KSR2: variants seen among roughly 807,000 people sequenced by gnomAD.
KSR2 encodes kinase suppressor of ras 2.
A neutral mutation model predicts 107.8 loss-of-function variants in KSR2; 25 were observed. The ratio of observed to expected loss-of-function variants is 0.23; its 90% confidence interval spans 0.17 to 0.32. KSR2 has a LOEUF of 0.32. KSR2 is among the 10% of genes least tolerant of loss of function. The pLI is 1.00. For missense variants in KSR2, 887 were observed against 1,268.9 expected, an observed-to-expected ratio of 0.70 and a Z score of 4.57; for synonymous variants, 480 against 507.0, an observed-to-expected ratio of 0.95 and a Z score of 0.71.
At chr12:117,694,961 C>T (rs1885990877) in intron 4 of KSR2, among the ~76,000 whole-genome samples, 1 of 150,942 alleles carries the variant, frequency 6.6e-6, no homozygotes, top group African/African-American at 2.4e-5. Flanking sequence ...AGCAATTCTC[C>T]TGCCTCAGCC....
At chr12:117,792,749 G>A (rs1274926024) in intron 3 of KSR2, among the ~76,000 whole-genome samples, 1 of 152,164 alleles carries the variant, frequency 6.6e-6, no homozygotes, top group South Asian at 2.1e-4. Flanking sequence ...TGTGATTGAT[G>A]CACCCAATCA....
At chr12:117,714,026 G>C (rs1448138626) in intron 4 of KSR2, among the ~76,000 whole-genome samples, 1 of 151,936 alleles carries the variant, frequency 6.6e-6, no homozygotes, top group Non-Finnish European at 1.5e-5. Flanking sequence ...TCAGAGTGAA[G>C]AAGAGGAATT....
chr12:117,469,663 CT>C lies in KSR2; in HGVS notation c.2844del (p.Glu949SerfsTer60). On this transcript the variant is annotated frameshift_variant and splice_region_variant, in exon 19 of 20. Transcript: ENST00000339824. LOFTEE classifies it high-confidence loss of function. Reference protein sequence around the residue: ...LSHPGHFWKSAEL With the variant: ...LSHPGHFWKSXEL Reference sequence around the variant, plus strand: ...GAGACATTAAGGGAGAAAACCTACTCTGCAGACTTCCAGAAATGTCCAGGGT... The same window carrying C: ...GAGACATTAAGGGAGAAAACCTACTCGCAGACTTCCAGAAATGTCCAGGGT... The C allele has an allele frequency of 6.2e-7, 1 of 1,612,184 alleles. No individual in the cohort carries two copies. The highest frequency in any genetic ancestry group is 8.5e-7 in the Non-Finnish European group (1 of 1,179,154).
Position 117,455,880 on chromosome 12 carries a change from G to A in KSR2, c.*11319C>T, listed in dbSNP as rs1870593959. 1 of 152,186 alleles carries A rather than the reference G, an allele frequency of 6.6e-6. No individual in the cohort carries two copies. The highest frequency in any genetic ancestry group is 2.1e-4 in the South Asian group (1 of 4,826). 9.4% of individuals were successfully genotyped at this position (152,186 alleles called of 1,614,324 possible). On this transcript the variant is annotated 3_prime_UTR_variant, in exon 20 of 20. Coordinates refer to ENST00000339824, the MANE Select transcript of KSR2 (RefSeq NM_173598.6). ...AGAAGCAGTGCCTTGTGGAATATGG[G>A]ACAGCTATGGGAGCTCATGGAGAAC...
intron 3 of KSR2, among the ~76,000 whole-genome samples, chr12:117,799,298 T>C (rs1325568529): frequency 1.3e-5 from 2 of 151,950 alleles, no homozygotes; most frequent in Non-Finnish European, 2.9e-5. Context: ...GGTCAGGAGT[T>C]CAAGATCAGC....
At chr12:117,928,555 T>C (rs1326870104) in intron 1 of KSR2, among the ~76,000 whole-genome samples, 1 of 152,208 alleles carries the variant, frequency 6.6e-6, no homozygotes, top group Non-Finnish European at 1.5e-5. Flanking sequence ...ATTTTATTTA[T>C]CCATGTATCT....
chr12:117,963,357 C>A (rs1896711124), intron 1 of KSR2, among the ~76,000 whole-genome samples: 1 of 152,180 alleles, frequency 6.6e-6, no homozygotes, highest in Admixed American at 6.5e-5. Flanking sequence ...CTGCCGTAGG[C>A]TGCCATCCAA....
At chr12:117,964,603 C>G (rs1896740873) in intron 1 of KSR2, among the ~76,000 whole-genome samples, 1 of 152,202 alleles carries the variant, frequency 6.6e-6, no homozygotes, top group Admixed American at 6.5e-5. Flanking sequence ...CATGTAATGC[C>G]AATCATTATC....
At chr12:117,481,643 C>G (rs890797226) in intron 16 of KSR2, among the ~76,000 whole-genome samples, 23 of 152,222 alleles carry the variant, frequency 1.5e-4, no homozygotes, top group African/African-American at 4.8e-4. Flanking sequence ...CCCAAGCTGA[C>G]TAATACATGC....
intron 3 of KSR2, among the ~76,000 whole-genome samples, chr12:117,845,237 T>C (rs1566046245): frequency 6.6e-6 from 1 of 152,200 alleles, no homozygotes. Context: ...AACAAGGCAG[T>C]TGTGTTGAGC....
chr12:117,573,080 A>G (rs1005198166), intron 7 of KSR2, among the ~76,000 whole-genome samples: 8 of 152,216 alleles, frequency 5.3e-5, no homozygotes, highest in Non-Finnish European at 5.9e-5. Flanking sequence ...ATAACTGCAA[A>G]TTGCTTTCGG....
intron 3 of KSR2, among the ~76,000 whole-genome samples, chr12:117,807,073 T>C (rs1457719971): frequency 6.6e-6 from 1 of 152,138 alleles, no homozygotes; most frequent in Admixed American, 6.5e-5. Flanking sequence ...ACACTTCCTT[T>C]TCATGGTGGG....
chr12:117,961,825 A>G (rs1032059866), intron 1 of KSR2, among the ~76,000 whole-genome samples: 1 of 152,168 alleles, frequency 6.6e-6, no homozygotes, highest in African/African-American at 2.4e-5. Flanking sequence ...GCAATAGAAA[A>G]TTGAGATGGA....
intron 1 of KSR2, among the ~76,000 whole-genome samples, chr12:117,870,266 G>A (rs530565665): frequency 6.6e-6 from 1 of 152,300 alleles, no homozygotes; most frequent in African/African-American, 2.4e-5. Flanking sequence ...TGTAAAACAG[G>A]TGTATTCCAC....
Position 117,753,947 on chromosome 12 carries a change from C to CGTGTGTGT in KSR2, c.986+7056_986+7063dup, listed in dbSNP as rs34174404. On this transcript the variant is annotated intron_variant, in intron 4 of 19. Coordinates refer to ENST00000339824, the MANE Select transcript of KSR2 (RefSeq NM_173598.6). ...TACTTTTACTGGGGAAAGTATAGAGCGTGTGTGTGTGTGTGTGTGTGTGTG... is the reference window on the plus strand; with the variant it reads ...TACTTTTACTGGGGAAAGTATAGAGCGTGTGTGTGTGTGTGTGTGTGTGTGTGTGTGTG... Among the ~76,000 whole-genome samples, 381 of 129,028 alleles carry CGTGTGTGT rather than the reference C, an allele frequency of 3.0e-3. 2 individuals carry two copies. Among genetic ancestry groups the CGTGTGTGT allele is most frequent in the Admixed American group, 5.1e-3 (63 of 12,456 alleles). The allele number at this position is 129,028 out of a possible 152,430, so 84.6% of individuals were successfully genotyped here. A position where few individuals can be genotyped will look rare whatever the true frequency, so the allele number is the denominator to read the frequency against.
intron 1 of KSR2, among the ~76,000 whole-genome samples, chr12:117,926,777 C>G (rs75737788): frequency 6.6e-6 from 1 of 152,152 alleles, no homozygotes; most frequent in Admixed American, 6.5e-5. Context: ...CTTGCTAGAC[C>G]GCCTTTCAGC....
chr12:117,796,320 T>C (rs1165574602), intron 3 of KSR2, among the ~76,000 whole-genome samples: 5 of 152,136 alleles, frequency 3.3e-5, no homozygotes, highest in Non-Finnish European at 7.3e-5. Context: ...AGTGTGTAAA[T>C]TGGGGAGAAT....
At chr12:117,496,438 A>T (rs1565872431) in intron 14 of KSR2, among the ~76,000 whole-genome samples, 1 of 152,120 alleles carries the variant, frequency 6.6e-6, no homozygotes, top group Non-Finnish European at 1.5e-5. Flanking sequence ...AGCATCTCCT[A>T]ACGATGGGGC....
At chr12:117,891,053 AC>A (rs1362011866) in intron 1 of KSR2, 4 of 152,236 alleles carry the variant, frequency 2.6e-5, no homozygotes, top group Non-Finnish European at 4.4e-5. Context: ...GGACAAAAAA[AC>A]ATAAGTGAAA....
Sources: gnomAD v4.1 joint callset for allele counts (sites outside exome capture counted in the v4.1 genomes callset) on GRCh38, gnomAD v4.1.1 for gene constraint, MANE v1.5 for transcripts, NCBI Gene and HGNC (gene_info 2026-07-23, HGNC 2026-07-21) for gene names.